The following FZD8 variants were observed in gnomAD, a reference collection of about 807,000 sequenced individuals.
FZD8 encodes the protein frizzled-8.
In FZD8, 18 loss-of-function variants were observed where a neutral mutation model predicts 46.0. That is an observed-to-expected ratio of 0.39 (90% CI 0.27 to 0.58). FZD8 has a LOEUF of 0.58. Among genes scored for constraint, FZD8 ranks in the 20% least tolerant of loss-of-function variants. The probability of loss-of-function intolerance (pLI) is 0.55; values close to 1 mark genes in which losing one functional copy is unlikely to be tolerated. For missense variants in FZD8, 785 were observed against 983.4 expected (o/e 0.80, Z 2.70); for synonymous variants, 586 against 467.9 (o/e 1.25, Z -3.26).
rs1261456454 is a variant in FZD8 at position 35,640,050 on chromosome 10, G to A, written c.1380C>T (p.Ser460=). 1 of 1,609,944 alleles carries A rather than the reference G, an allele frequency of 6.2e-7. No individual in the cohort carries two copies. The highest frequency in any genetic ancestry group is 8.5e-7 in the Non-Finnish European group (1 of 1,179,518). ...CCGCCACCGGGTCGCCGTCCACCGA[G>A]CTGAGCGCCAGCACCGCGATGGACT... The part of the protein sequence containing the change: ...SVKSIAVLAL[S]SVDGDPVAGI... Residue 460 remains serine, a synonymous_variant, in exon 1 of 1, where the codon AGC becomes AGT. Transcript: ENST00000374694.
Position 35,640,614 on chromosome 10 carries a change from G to A in FZD8, c.816C>T (p.Asp272=), listed in dbSNP as rs1184804349. Residue 272 remains aspartate (D), a synonymous_variant, in exon 1 of 1, where the codon GAC becomes GAT. Transcript: ENST00000374694. ...TCCAGAAGACGGTGAAGGCGCGCTC[G>A]TCCTGGCTGAAAAAGGGGTTGTGGC... ...LPCHNPFFSQ[D]ERAFTVFWIG... The A allele has an allele frequency of 5.7e-6, 9 of 1,584,460 alleles. No homozygotes were observed. The African/African-American group carries it at 1.1e-4, about 19-fold the overall frequency.
Position 35,639,544 on chromosome 10 carries a change from A to G in FZD8, c.1886T>C (p.Val629Ala). 1.6e-6 allele frequency: 2 copies of G among 1,214,706 alleles called. No homozygotes were observed. Among genetic ancestry groups the G allele is most frequent in the Admixed American group, 2.6e-5 (1 of 38,870 alleles). The allele number at this position is 1,214,706 out of a possible 1,614,324, so 75.2% of individuals were successfully genotyped here. Reference sequence around the variant, plus strand: ...GGCCGTGGCGCCCGCGCCCCCGCCCACCGCGGCGCCCTTGCTGGCCCAGCA... The same window carrying G: ...GGCCGTGGCGCCCGCGCCCCCGCCCGCCGCGGCGCCCTTGCTGGCCCAGCA... The part of the protein sequence containing the change: ...RCCWASKGAA[V>A]GGGAGATAAG... The change falls in exon 1 of 1, where the codon GTG becomes GCG. Residue 629 changes from valine (V) to alanine (A), a missense_variant. Val to Ala is a moderately conservative substitution (Grantham distance 64). Coordinates refer to ENST00000374694, the MANE Select transcript of FZD8 (RefSeq NM_031866.3).
At position 35,640,116 on chromosome 10, in the gene FZD8, C is replaced by T. The variant is rs1466424087; in HGVS notation, c.1314G>A (p.Ser438=). 2.5e-6 allele frequency: 4 copies of T among 1,612,542 alleles called. No homozygotes were observed. The highest frequency in any genetic ancestry group is 1.3e-5 in the African/African-American group (1 of 74,868). ...KWGNEAIAGY[S]QYFHLAAWLV... is the part of the protein sequence containing the mutation. ...GCCACGCGGCCAGGTGGAAGTACTGCGAGTAGCCGGCGATGGCTTCGTTGC... is the reference window on the plus strand; with the variant it reads ...GCCACGCGGCCAGGTGGAAGTACTGTGAGTAGCCGGCGATGGCTTCGTTGC... Residue 438 remains serine, a synonymous_variant, in exon 1 of 1, where the codon TCG becomes TCA. Transcript: ENST00000374694.
Position 35,639,136 on chromosome 10 carries a change from C to T in FZD8, c.*209G>A, listed in dbSNP as rs912139669. On this transcript the variant is annotated 3_prime_UTR_variant, in exon 1 of 1. Transcript: ENST00000374694. Reference sequence around the variant, plus strand: ...CCGCACATCAATGGAGGAAAAGGGGCTGGGTCTGGGAGGCTTCAATGCCAG... The same window carrying T: ...CCGCACATCAATGGAGGAAAAGGGGTTGGGTCTGGGAGGCTTCAATGCCAG... The T allele has an allele frequency of 5.3e-6, 1 of 187,414 alleles. No homozygotes were observed. 11.6% of individuals were successfully genotyped at this position (187,414 alleles called of 1,614,324 possible).
Position 35,638,265 on chromosome 10 carries a change from T to C in FZD8, c.*1080A>G, listed in dbSNP as rs1835794239. Reference sequence around the variant, plus strand: ...AAATGAATGCAGGGTTTTGAAACCTTTAGTGATACCATGCAGGATAAATAA... The same window carrying C: ...AAATGAATGCAGGGTTTTGAAACCTCTAGTGATACCATGCAGGATAAATAA... On this transcript the variant is annotated 3_prime_UTR_variant, in exon 1 of 1. Transcript: ENST00000374694. 6.6e-6 allele frequency: 1 copy of C among 152,348 alleles called. No homozygotes were observed. The highest frequency in any genetic ancestry group is 1.5e-5 in the Non-Finnish European group (1 of 68,038). The allele number at this position is 152,348 out of a possible 1,614,324, so 9.4% of individuals were successfully genotyped here.
Position 35,640,629 on chromosome 10 carries a change from G to A in FZD8, c.801C>T (p.Pro267=), listed in dbSNP as rs201304613. 589 of 1,585,096 alleles carry A rather than the reference G, an allele frequency of 3.7e-4. 3 individuals are homozygous for A. The highest frequency in any genetic ancestry group is 4.6e-4 in the Non-Finnish European group (532 of 1,163,952). Residue 267 remains proline (P), a synonymous_variant, in exon 1 of 1, where the codon CCC becomes CCT. Coordinates refer to ENST00000374694, the MANE Select transcript of FZD8 (RefSeq NM_031866.3). ...IANCALPCHN[P]FFSQDERAFT... ...AGGCGCGCTCGTCCTGGCTGAAAAA[G>A]GGGTTGTGGCAGGGCAGCGCGCAGT...
In FZD8 at chr10:35,638,927, G is replaced by A. The variant is rs1022128027; in HGVS notation, c.*418C>T. 6.5e-6 allele frequency: 1 copy of A among 152,712 alleles called. No homozygotes were observed. The highest frequency in any genetic ancestry group is 1.5e-5 in the Non-Finnish European group (1 of 68,090). The allele number at this position is 152,712 out of a possible 1,614,324, so 9.5% of individuals were successfully genotyped here. On this transcript the variant is annotated 3_prime_UTR_variant, in exon 1 of 1. Transcript: ENST00000374694. ...GTCACCCCTCCTCCAGGGTAAGTCA[G>A]GGGTGGGAGTTTACGTAGGAAGAGT...
Position 35,639,139 on chromosome 10 carries a change from G to C in FZD8, c.*206C>G, listed in dbSNP as rs1302952805. 1 of 189,544 alleles carries C rather than the reference G, an allele frequency of 5.3e-6. No homozygotes were observed. Among genetic ancestry groups the C allele is most frequent in the African/African-American group, 2.4e-5 (1 of 42,398 alleles). 11.7% of individuals were successfully genotyped at this position (189,544 alleles called of 1,614,324 possible). ...CACATCAATGGAGGAAAAGGGGCTG[G>C]GTCTGGGAGGCTTCAATGCCAGGTA... is the stretch of plus-strand genomic sequence containing the variant. On this transcript the variant is annotated 3_prime_UTR_variant, in exon 1 of 1. Coordinates refer to ENST00000374694, the MANE Select transcript of FZD8 (RefSeq NM_031866.3).
In FZD8 at chr10:35,641,316, G is replaced by C. The variant is rs750941001; in HGVS notation, c.114C>G (p.Ile38Met). 1 of 1,613,970 alleles carries C rather than the reference G, an allele frequency of 6.2e-7. No homozygotes were observed. Among genetic ancestry groups the C allele is most frequent in the Non-Finnish European group, 8.5e-7 (1 of 1,179,914 alleles). The change falls in exon 1 of 1, where the codon ATC becomes ATG. Residue 38 changes from isoleucine to methionine, a missense_variant. Physicochemically the swap from Ile to Met is conservative, Grantham distance 10. Around this residue, in one of 5 missense-constraint regions of FZD8, gnomAD observed 354 missense variants for 433.2 expected, o/e 0.82. Transcript: ENST00000374694. The surrounding 1 kb of genome is among the most constrained non-coding windows in gnomAD (Gnocchi z 6.3). ...CGATGCCCTTACACAGCGGCACGGT[G>C]ATCTCTTGGCATGCCAGCTCCTTGG... ...ASAKELACQE[I>M]TVPLCKGIGY...
In FZD8 at chr10:35,640,002, C is replaced by G; in HGVS notation, c.1428G>C (p.Gln476His). 1 of 1,612,422 alleles carries G rather than the reference C, an allele frequency of 6.2e-7. No individual in the cohort carries two copies. Among genetic ancestry groups the G allele is most frequent in the Non-Finnish European group, 8.5e-7 (1 of 1,179,876 alleles). Residue 476 changes from glutamine (Q) to histidine (H), a missense_variant, in exon 1 of 1, where the codon CAG becomes CAC. This residue lies in a region of FZD8 where 147 missense variants were observed against 242.5 expected (regional missense o/e 0.61). Transcript: ENST00000374694. ...PVAGICYVGNQSLDNLRGFVL... is the reference protein window; with the variant it reads ...PVAGICYVGNHSLDNLRGFVL... ...CGAAGCCGCGCAGGTTGTCCAGGCT[C>G]TGGTTGCCCACGTAGCAGATGCCCG...
Position 35,640,791 on chromosome 10 carries a change from G to T in FZD8, c.639C>A (p.Gly213=). ...DAAAPPARGG[G]GGGKARPPGG... ...CAGGGGGCCGCGCCTTCCCGCCACCGCCGCCGCCGCGAGCTGGGGGCGCCG... is the reference window on the plus strand; with the variant it reads ...CAGGGGGCCGCGCCTTCCCGCCACCTCCGCCGCCGCGAGCTGGGGGCGCCG... Residue 213 remains glycine, a synonymous_variant, in exon 1 of 1, where the codon GGC becomes GGA. Coordinates refer to ENST00000374694, the MANE Select transcript of FZD8 (RefSeq NM_031866.3). The T allele has an allele frequency of 2.7e-6, 3 of 1,094,490 alleles. No homozygotes were observed. Among genetic ancestry groups the T allele is most frequent in the Non-Finnish European group, 3.3e-6 (3 of 900,144 alleles). The allele number at this position is 1,094,490 out of a possible 1,614,324, so 67.8% of individuals were successfully genotyped here.
Position 35,640,769 on chromosome 10 carries a change from G to A in FZD8, c.661C>T (p.Pro221Ser). The change falls in exon 1 of 1, where the codon CCT (proline) becomes TCT (serine). Residue 221 changes from proline (P) to serine (S), a missense_variant. By Grantham distance (74) the Pro-to-Ser change is moderately conservative. This residue lies in a region of FZD8 where 354 missense variants were observed against 433.2 expected (regional missense o/e 0.82). Transcript: ENST00000374694. Reference protein sequence around the residue: ...GGGGGGKARPPGGGAAPCEPG... With the variant: ...GGGGGGKARPSGGGAAPCEPG... Reference sequence around the variant, plus strand: ...TCGCAGGGAGCCGCGCCGCCGCCAGGGGGCCGCGCCTTCCCGCCACCGCCG... The same window carrying A: ...TCGCAGGGAGCCGCGCCGCCGCCAGAGGGCCGCGCCTTCCCGCCACCGCCG... 4 of 1,216,708 alleles carry A rather than the reference G, an allele frequency of 3.3e-6. No homozygotes were observed. Among genetic ancestry groups the A allele is most frequent in the Non-Finnish European group, 4.1e-6 (4 of 976,296 alleles). 75.4% of individuals were successfully genotyped at this position (1,216,708 alleles called of 1,614,324 possible).
At position 35,641,346 on chromosome 10, in the gene FZD8, G is replaced by C. The variant is rs902054406; in HGVS notation, c.84C>G (p.Ala28=). Residue 28 remains alanine, a synonymous_variant, in exon 1 of 1, where the codon GCC becomes GCG. Transcript: ENST00000374694. This position sits in a 1 kb window ranked among gnomAD's most constrained non-coding sequence, Gnocchi z 6.3. ...LLQRSSGAAA[A]SAKELACQEI... ...CTTGGCATGCCAGCTCCTTGGCCGA[G>C]GCGGCCGCAGCGCCGCTAGAGCGCT... 1 of 1,613,682 alleles carries C rather than the reference G, an allele frequency of 6.2e-7. No homozygotes were observed. Among genetic ancestry groups the C allele is most frequent in the Non-Finnish European group, 8.5e-7 (1 of 1,179,874 alleles).
chr10:35,640,550 C>T lies in FZD8; in HGVS notation c.880G>A (p.Ala294Thr), dbSNP rs748445094. The T allele has an allele frequency of 1.9e-6, 3 of 1,586,650 alleles. No homozygotes were observed. Among genetic ancestry groups the T allele is most frequent in the South Asian group, 2.3e-5 (2 of 88,790 alleles). Residue 294 changes from alanine (A) to threonine (T), a missense_variant, in exon 1 of 1, where the codon GCC (alanine) becomes ACC (threonine). Coordinates refer to ENST00000374694, the MANE Select transcript of FZD8 (RefSeq NM_031866.3). ...TCGATAAGGAAGGTGGAGACGGTGG[C>T]GAAGGTGGACACGAAGCAGAGCACC... ...WSVLCFVSTF[A>T]TVSTFLIDME...
chr10:35,639,440 A>G lies in FZD8; in HGVS notation c.1990T>C (p.Ser664Pro). The G allele has an allele frequency of 1.7e-6, 2 of 1,199,838 alleles. No individual in the cohort carries two copies. Among genetic ancestry groups the G allele is most frequent in the Non-Finnish European group, 1.1e-6 (1 of 948,596 alleles). The allele number at this position is 1,199,838 out of a possible 1,614,324, so 74.3% of individuals were successfully genotyped here. ...GGGGPGGGGGSLYSDVSTGLT... is the reference protein window; with the variant it reads ...GGGGPGGGGGPLYSDVSTGLT... ...CCAGTGCTGACGTCGCTGTAGAGGG[A>G]GCCCCCGCCGCCGCCCGGCCCCCCG... Residue 664 changes from serine (S) to proline (P), a missense_variant, in exon 1 of 1, where the codon TCC (serine) becomes CCC (proline). Physicochemically the swap from Ser to Pro is moderately conservative, Grantham distance 74 (BLOSUM62 -1). Transcript: ENST00000374694.
At position 35,641,494 on chromosome 10, in the gene FZD8, G is replaced by GC. The variant is rs1014135361; in HGVS notation, c.-66dup. 2.3e-5 allele frequency: 34 copies of GC among 1,506,096 alleles called. No individual in the cohort carries two copies. Among genetic ancestry groups the GC allele is most frequent in the East Asian group, 4.7e-5 (2 of 42,496 alleles). 93.3% of individuals were successfully genotyped at this position (1,506,096 alleles called of 1,614,324 possible). A position where few individuals can be genotyped will look rare whatever the true frequency, so the allele number is the denominator to read the frequency against. On this transcript the variant is annotated 5_prime_UTR_variant, in exon 1 of 1. Coordinates refer to ENST00000374694, the MANE Select transcript of FZD8 (RefSeq NM_031866.3). The surrounding 1 kb of genome is among the most constrained non-coding windows in gnomAD (Gnocchi z 6.3). ...CGCGCAGAGGGGTGCCGGGGGGGGG[G>GC]CCCACGAGAGAGCCGCAGACGGGTA...
rs1312330785 is a variant in FZD8, at chr10:35,639,457, G to A, written c.1973C>T (p.Pro658Leu). The A allele has an allele frequency of 5.5e-6, 6 of 1,094,860 alleles. No individual in the cohort carries two copies. The highest frequency in any genetic ancestry group is 6.7e-6 in the Non-Finnish European group (6 of 891,720). The allele number at this position is 1,094,860 out of a possible 1,614,324, so 67.8% of individuals were successfully genotyped here. ...GGGGPGGGGG[P>L]GGGGGSLYSD... Reference sequence around the variant, plus strand: ...GTAGAGGGAGCCCCCGCCGCCGCCCGGCCCCCCGCCGCCGCCGGGTCCCCC... The same window carrying A: ...GTAGAGGGAGCCCCCGCCGCCGCCCAGCCCCCCGCCGCCGCCGGGTCCCCC... Residue 658 changes from proline (P) to leucine (L), a missense_variant, in exon 1 of 1, where the codon CCG becomes CTG. Pro to Leu is a moderately conservative substitution (Grantham distance 98). Coordinates refer to ENST00000374694, the MANE Select transcript of FZD8 (RefSeq NM_031866.3).
At position 35,639,906 on chromosome 10, in the gene FZD8, G is replaced by A; in HGVS notation, c.1524C>T (p.Phe508=). The change falls in exon 1 of 1, where the codon TTC becomes TTT. Residue 508 remains phenylalanine (F), a synonymous_variant. Transcript: ENST00000374694. ...MFLLAGFVSL[F]RIRSVIKQQD... is the part of the protein sequence containing the mutation. ...GTTGCTTGATGACCGAGCGGATGCG[G>A]AAGAGGGACACGAAGCCGGCCAGCA... 3 of 1,612,876 alleles carry A rather than the reference G, an allele frequency of 1.9e-6. No homozygotes were observed. Among genetic ancestry groups the A allele is most frequent in the Non-Finnish European group, 2.5e-6 (3 of 1,179,956 alleles).
At position 35,639,571 on chromosome 10, in the gene FZD8, C is replaced by G. The variant is rs1189567096; in HGVS notation, c.1859G>C (p.Cys620Ser). ...CGCGGCGCCCTTGCTGGCCCAGCAG[C>G]AGCGGGTGCACAGGGAGCGCCAGGA... ...LESWRSLCTRCCWASKGAAVG... is the reference protein window; with the variant it reads ...LESWRSLCTRSCWASKGAAVG... The change falls in exon 1 of 1, where the codon TGC becomes TCC. Residue 620 changes from cysteine to serine, a missense_variant. By Grantham distance (112) the Cys-to-Ser change is moderately radical. Around this residue, in one of 5 missense-constraint regions of FZD8, gnomAD observed 185 missense variants for 180.8 expected, o/e 1.02. Coordinates refer to ENST00000374694, the MANE Select transcript of FZD8 (RefSeq NM_031866.3). The G allele has an allele frequency of 2.6e-6, 4 of 1,563,302 alleles. No individual in the cohort carries two copies. The highest frequency in any genetic ancestry group is 3.4e-6 in the Non-Finnish European group (4 of 1,160,964).
Sources: allele counts gnomAD v4.1 joint callset, GRCh38; gene constraint gnomAD v4.1.1; regional missense constraint gnomAD v4.1.1; non-coding constraint Gnocchi (gnomAD v3.1); transcripts MANE v1.5; gene names NCBI Gene and HGNC (gene_info 2026-07-23, HGNC 2026-07-21).